The following ST8SIA6 variants were observed in gnomAD, a reference collection of about 807,000 sequenced individuals.
The protein encoded by ST8SIA6 is ST8 alpha-N-acetyl-neuraminide alpha-2,8-sialyltransferase 6, also known as alpha-2,8-sialyltransferase 8F.
ST8SIA6 carries 39 observed loss-of-function variants against 33.6 expected under a neutral mutation model. The ratio of observed to expected loss-of-function variants is 1.16; its 90% CI spans 0.90 to 1.52. ST8SIA6 has a LOEUF of 1.52. Ranked by LOEUF, ST8SIA6 falls within the 40% of genes most tolerant of loss-of-function variation. ST8SIA6 has a pLI of 0.00. For missense variants in ST8SIA6, 441 were observed against 443.8 expected, an observed-to-expected ratio of 0.99 and a Z score of 0.06; for synonymous variants, 172 against 167.2, an observed-to-expected ratio of 1.03 and a Z score of -0.22.
rs926946110 is a variant in ST8SIA6 at position 17,317,630 on chromosome 10, A to C, written c.*3248T>G. Reference sequence around the variant, plus strand: ...ATGTTAGTGGACCTGTTTTCCACAAAATTTTCCACTTTTCCCAAAGCTTCC... The same window carrying C: ...ATGTTAGTGGACCTGTTTTCCACAACATTTTCCACTTTTCCCAAAGCTTCC... On this transcript the variant is annotated 3_prime_UTR_variant, in exon 8 of 8. Transcript: ENST00000377602. Among the ~76,000 whole-genome samples, 4 of 152,172 alleles carry C rather than the reference A, an allele frequency of 2.6e-5. No individual in the cohort carries two copies.
intron 7 of ST8SIA6, among the ~76,000 whole-genome samples, chr10:17,322,719 G>A (rs535318057): frequency 3.3e-5 from 5 of 152,230 alleles, no homozygotes; most frequent in African/African-American, 1.2e-4. Context: ...TTTCTAAATA[G>A]AGTAAGTTTT....
chr10:17,338,608 A>G (rs1044760583), intron 4 of ST8SIA6, among the ~76,000 whole-genome samples: 9 of 152,238 alleles, frequency 5.9e-5, no homozygotes, highest in Admixed American at 5.9e-4. Context: ...TTCAAAGGCT[A>G]TCATACAATG....
chr10:17,405,148 C>T (rs1262248244), intron 2 of ST8SIA6, among the ~76,000 whole-genome samples: 1 of 152,070 alleles, frequency 6.6e-6, no homozygotes, highest in Non-Finnish European at 1.5e-5. Flanking sequence ...TAAATCTTTA[C>T]GGTTGAGCCC....
At chr10:17,380,220 T>G (rs1850081418) in intron 3 of ST8SIA6, among the ~76,000 whole-genome samples, 1 of 152,224 alleles carries the variant, frequency 6.6e-6, no homozygotes, top group African/African-American at 2.4e-5. Context: ...TTGTTTGTTT[T>G]TTTCCTGCTT....
At chr10:17,339,460 C>A (rs1050706755) in intron 4 of ST8SIA6, among the ~76,000 whole-genome samples, 1 of 152,088 alleles carries the variant, frequency 6.6e-6, no homozygotes, top group Admixed American at 6.5e-5. Context: ...TAATGAGGGT[C>A]CTAGGAAAAA....
intron 2 of ST8SIA6, chr10:17,403,651 A>G (rs1352787827): frequency 6.6e-6 from 1 of 152,178 alleles, no homozygotes; most frequent in Non-Finnish European, 1.5e-5. Context: ...TAAACAGCTA[A>G]GATTATTTTG....
At chr10:17,339,408 T>C (rs905080840) in intron 4 of ST8SIA6, among the ~76,000 whole-genome samples, 1 of 152,194 alleles carries the variant, frequency 6.6e-6, no homozygotes, top group Middle Eastern at 3.2e-3. Flanking sequence ...TTTCCAGGTA[T>C]TGATAAAGAG....
chr10:17,420,413 AAAAT>A (rs568499544), intron 2 of ST8SIA6, among the ~76,000 whole-genome samples: 6 of 152,322 alleles, frequency 3.9e-5, no homozygotes, highest in South Asian at 2.1e-4. Flanking sequence ...CTCCGTCAAA[AAAAT>A]AAATAAATAA....
chr10:17,392,741 A>T (rs1422942077), intron 2 of ST8SIA6, among the ~76,000 whole-genome samples: 1 of 152,176 alleles, frequency 6.6e-6, no homozygotes, highest in African/African-American at 2.4e-5. Context: ...GATAGAATAG[A>T]CTATGATGTG....
chr10:17,321,405 T>C (rs778021636), intron 7 of ST8SIA6, 59 bp from the exon 8 acceptor site: 7 of 1,387,470 alleles, frequency 5.0e-6, no homozygotes, highest in Non-Finnish European at 5.8e-6. Context: ...GTAGCAGTTT[T>C]GATAACATAA....
intron 3 of ST8SIA6, among the ~76,000 whole-genome samples, chr10:17,371,449 C>A (rs1171881017): frequency 6.6e-6 from 1 of 151,790 alleles, no homozygotes; most frequent in Non-Finnish European, 1.5e-5. Flanking sequence ...CTGGGGCATC[C>A]AGTGTCAAAA....
rs1847913662 is a variant in ST8SIA6, at chr10:17,320,692, G to GA, written c.*185dup. 9.9e-6 allele frequency: 6 copies of GA among 608,370 alleles called. No individual in the cohort carries two copies. Among genetic ancestry groups the GA allele is most frequent in the Admixed American group, 3.0e-5 (1 of 33,744 alleles). The allele number at this position is 608,370 out of a possible 1,614,324, so 37.7% of individuals were successfully genotyped here. On this transcript the variant is annotated 3_prime_UTR_variant, in exon 8 of 8. Coordinates refer to ENST00000377602, the MANE Select transcript of ST8SIA6 (RefSeq NM_001004470.3). ...AGATATGGTGTCCATGTTATAAGGA[G>GA]AAAAAATGAAGATGAGAAGGATTGA...
intron 3 of ST8SIA6, among the ~76,000 whole-genome samples, chr10:17,380,853 T>TTGTA (rs1554793907): frequency 1.2e-5 from 1 of 86,316 alleles, no homozygotes; most frequent in African/African-American, 4.2e-5. Context: ...GTTTGTGTGT[T>TTGTA]TGTGTGTATG....
chr10:17,405,960 A>G (rs889617425), intron 2 of ST8SIA6, among the ~76,000 whole-genome samples: 1 of 152,220 alleles, frequency 6.6e-6, no homozygotes, highest in Middle Eastern at 3.4e-3. Flanking sequence ...AAATGAGAAT[A>G]ATCCTCTCTT....
At chr10:17,377,594 G>T (rs1849960272) in intron 3 of ST8SIA6, among the ~76,000 whole-genome samples, 4 of 152,082 alleles carry the variant, frequency 2.6e-5, no homozygotes, top group African/African-American at 9.7e-5. Flanking sequence ...AAGAATTATG[G>T]CACAAAAGAC....
intron 2 of ST8SIA6, among the ~76,000 whole-genome samples, chr10:17,439,953 G>A (rs1208093813): frequency 6.6e-6 from 1 of 152,188 alleles, no homozygotes; most frequent in Non-Finnish European, 1.5e-5. Flanking sequence ...CTAGAACTAT[G>A]TGGATCTTCC....
At chr10:17,443,381 G>C (rs1852573721) in intron 2 of ST8SIA6, among the ~76,000 whole-genome samples, 1 of 152,204 alleles carries the variant, frequency 6.6e-6, no homozygotes, top group Non-Finnish European at 1.5e-5. Flanking sequence ...CAACCAGTGA[G>C]AGACTTTAAT....
intron 3 of ST8SIA6, among the ~76,000 whole-genome samples, chr10:17,373,853 T>A (rs1446855095): frequency 6.6e-6 from 1 of 152,220 alleles, no homozygotes; most frequent in East Asian, 1.9e-4. Context: ...AGCCTTCTGA[T>A]ATGAATGCGT....
At chr10:17,425,876 A>G (rs765852696) in intron 2 of ST8SIA6, among the ~76,000 whole-genome samples, 4 of 152,192 alleles carry the variant, frequency 2.6e-5, no homozygotes, top group Admixed American at 6.5e-5. Context: ...AATATTATGC[A>G]TGCTTTGACA....
Sources: allele counts gnomAD v4.1 joint callset (sites outside exome capture counted in the v4.1 genomes callset), GRCh38; gene constraint gnomAD v4.1.1; transcripts MANE v1.5; gene names NCBI Gene and HGNC (gene_info 2026-07-23, HGNC 2026-07-21).